The following MYO7A variants were observed in gnomAD, a reference collection of about 807,000 sequenced individuals.
MYO7A encodes the protein unconventional myosin-VIIa.
Under a neutral mutation model 263.8 loss-of-function variants are expected in MYO7A, and 210 were observed. The ratio of observed to expected loss-of-function variants is 0.80; its 90% CI spans 0.71 to 0.89. The LOEUF is 0.89. Ranked by LOEUF, MYO7A falls within the 40% of genes least tolerant of loss-of-function variation. MYO7A has a pLI of 0.00. For synonymous variants in MYO7A, 1,239 were observed against 1,197.3 expected (o/e 1.03, Z -0.72); for missense variants, 2,820 against 2,968.3 (o/e 0.95, Z 1.16).
At chr11:77,162,823 T>C (rs1432913944) in intron 13 of MYO7A, 30 bp from the exon 14 acceptor site, 13 of 1,595,466 alleles carry the variant, frequency 8.1e-6, no homozygotes, top group Non-Finnish European at 1.1e-5. Context: ...GAGGAGAGGG[T>C]GGGCTCACAG....
At position 77,162,286 on chromosome 11, in the gene MYO7A, A is replaced by G; in HGVS notation, c.1510A>G (p.Met504Val). 6.4e-7 allele frequency: 1 copy of G among 1,552,838 alleles called. No homozygotes were observed. The highest frequency in any genetic ancestry group is 8.7e-7 in the Non-Finnish European group (1 of 1,147,612). The change falls in exon 13 of 49, where the codon ATG (methionine) becomes GTG (valine). Residue 504 changes from methionine to valine, a missense_variant. Transcript: ENST00000409709. ...CCTGGACATGATTGCCAACAAGCCCATGAACATCATCTCCCTCATCGATGA... is the reference window on the plus strand; with the variant it reads ...CCTGGACATGATTGCCAACAAGCCCGTGAACATCATCTCCCTCATCGATGA... Reference protein sequence around the residue: ...DALDMIANKPMNIISLIDEES... With the variant: ...DALDMIANKPVNIISLIDEES...
intron 34 of MYO7A, among the ~76,000 whole-genome samples, 186 bp from the exon 35 acceptor site, chr11:77,199,349 G>A (rs918269513): frequency 4.6e-5 from 7 of 152,240 alleles, no homozygotes; most frequent in African/African-American, 1.7e-4. Flanking sequence ...TGTAGGTTGA[G>A]ATTTAAAGGG....
chr11:77,154,265 G>A (rs1952234099), intron 4 of MYO7A, among the ~76,000 whole-genome samples: 1 of 152,144 alleles, frequency 6.6e-6, no homozygotes. Flanking sequence ...GATGTTCTTT[G>A]GGGCTGGTTC....
rs1273170081 is a variant in MYO7A at position 77,147,860 on chromosome 11, C to T, written c.195C>T (p.His65=). 3.7e-6 allele frequency: 6 copies of T among 1,607,734 alleles called. No homozygotes were observed. Among genetic ancestry groups the T allele is most frequent in the Non-Finnish European group, 5.1e-6 (6 of 1,177,852 alleles). ...AGCCTATGCACCCCACGTCGGTCCA[C>T]GGCGTGGAGGACATGATCCGCCTGG... The part of the protein sequence containing the change: ...HIKPMHPTSV[H]GVEDMIRLGD... Residue 65 remains histidine, a synonymous_variant, in exon 4 of 49, where the codon CAC becomes CAT. Coordinates refer to ENST00000409709, the MANE Select transcript of MYO7A (RefSeq NM_000260.4).
chr11:77,208,315 G>A (rs186168960), intron 42 of MYO7A, 115 bp from the exon 43 acceptor site: 29 of 803,914 alleles, frequency 3.6e-5, no homozygotes, highest in South Asian at 4.9e-5. Flanking sequence ...AACCCCTTCC[G>A]GCTGGGAGTG....
At position 77,203,312 on chromosome 11, in the gene MYO7A, G is replaced by A. The variant is rs116033778; in HGVS notation, c.5326+95G>A. The A allele has an allele frequency of 3.2e-3, 4,345 of 1,374,192 alleles. 82 individuals are homozygous for A. The African/African-American group carries it at 0.047, about 15-fold the overall frequency. 85.1% of individuals were successfully genotyped at this position (1,374,192 alleles called of 1,614,324 possible). ...TCCTCCTGAGGGCCTGCTGCGACCC[G>A]GGCACACATGGGGAGGGTTGATGGA... On this transcript the variant is annotated intron_variant, in intron 38 of 48. Transcript: ENST00000409709.
rs553737170 is a variant in MYO7A, at chr11:77,209,898, A to C, written c.6051+1095A>C. ...CGTGGCCCTGCCTGGTGGTGCCACT[A>C]ACTGCTCCTGCTGCCTTGCCTTGTA... On this transcript the variant is annotated intron_variant, in intron 44 of 48. Coordinates refer to ENST00000409709, the MANE Select transcript of MYO7A (RefSeq NM_000260.4). Among the ~76,000 whole-genome samples, 13 of 152,078 alleles carry C rather than the reference A, an allele frequency of 8.5e-5. No individual in the cohort carries two copies. The South Asian group carries it at 2.7e-3, about 31-fold the overall frequency.
At chr11:77,174,075 C>T (rs1383370757) in intron 16 of MYO7A, among the ~76,000 whole-genome samples, 1 of 151,994 alleles carries the variant, frequency 6.6e-6, no homozygotes, top group Admixed American at 6.6e-5. Flanking sequence ...CAGACCTGGC[C>T]CAGTCTCTCC....
intron 5 of MYO7A, 116 bp from the exon 6 acceptor site, chr11:77,156,544 T>C: frequency 3.5e-6 from 5 of 1,435,584 alleles, no homozygotes; most frequent in Non-Finnish European, 4.8e-6. Flanking sequence ...AGGGTCCGTA[T>C]TGTCAGCTGA....
At chr11:77,177,713 T>G in intron 19 of MYO7A, 70 bp downstream of exon 19, 1 of 1,323,242 alleles carries the variant, frequency 7.6e-7, no homozygotes, top group Non-Finnish European at 1.1e-6. Context: ...TTGGCTCTCC[T>G]CTGCTCTGCC....
chr11:77,207,131 CCCTTT>C (rs1264510744), intron 41 of MYO7A, 153 bp from the exon 42 acceptor site: 1 of 574,484 alleles, frequency 1.7e-6, no homozygotes, highest in Non-Finnish European at 3.1e-6. Context: ...ACAGGAGTAG[CCCTTT>C]CCTTTTGTTA....
At chr11:77,197,688 G>A in intron 33 of MYO7A, 90 bp downstream of exon 33, 1 of 763,686 alleles carries the variant, frequency 1.3e-6, no homozygotes, top group Admixed American at 2.1e-5. Context: ...AGCCTGCAAT[G>A]CTCCCAGTCC....
In MYO7A at chr11:77,208,731, C is replaced by A; in HGVS notation, c.5979C>A (p.Phe1993Leu). 1 of 1,587,730 alleles carries A rather than the reference C, an allele frequency of 6.3e-7. No homozygotes were observed. The highest frequency in any genetic ancestry group is 1.2e-5 in the South Asian group (1 of 86,670). The change falls in exon 44 of 49, where the codon TTC becomes TTA. Residue 1993 changes from phenylalanine to leucine, a missense_variant. Physicochemically the swap from Phe to Leu is conservative, Grantham distance 22 (BLOSUM62 0). Coordinates refer to ENST00000409709, the MANE Select transcript of MYO7A (RefSeq NM_000260.4). ...IVPSLTYQVF[F>L]MKKLWTTTVP... ...CCTCACTCACCTACCAGGTGTTCTT[C>A]ATGAAGAAGCTGTGGACCACCACGG...
intron 31 of MYO7A, 82 bp from the exon 32 acceptor site, chr11:77,194,272 G>T (rs1368319847): frequency 3.4e-6 from 5 of 1,488,524 alleles, no homozygotes; most frequent in Middle Eastern, 1.8e-4. Context: ...GGCCAGGAGA[G>T]GGGCCTGGAG....
chr11:77,202,927 A>G, intron 37 of MYO7A, 133 bp from the exon 38 acceptor site: 1 of 1,147,694 alleles, frequency 8.7e-7, no homozygotes, highest in South Asian at 1.6e-5. Flanking sequence ...CAGGGCAGGG[A>G]AGAGCAGGGC....
In MYO7A at chr11:77,213,972, C is replaced by T. The variant is rs1383147250; in HGVS notation, c.6551C>T (p.Thr2184Met). ...LVRGSKLLCE[T>M]SLGYKMDDLL... is the part of the protein sequence containing the mutation. ...CGCGGGAGCAAACTGCTCTGCGAGA[C>T]GTCACTGGTGAGGGCGCATCCTGCT... The change falls in exon 48 of 49, where the codon ACG becomes ATG. Residue 2184 changes from threonine to methionine, a missense_variant. Physicochemically the swap from Thr to Met is moderately conservative, Grantham distance 81. Transcript: ENST00000409709. 8.1e-6 allele frequency: 13 copies of T among 1,613,950 alleles called. No individual in the cohort carries two copies. The highest frequency in any genetic ancestry group is 4.5e-5 in the East Asian group (2 of 44,898).
rs373958166 is a variant in MYO7A, at chr11:77,189,477, A to G, written c.3630+7A>G. 2.5e-5 allele frequency: 41 copies of G among 1,613,612 alleles called. No individual in the cohort carries two copies. The African/African-American group carries it at 4.4e-4, about 17-fold the overall frequency. On this transcript the variant is annotated splice_region_variant and intron_variant, in intron 28 of 48. Transcript: ENST00000409709. ...CTCCGAGAAGTTTGTCAAGGTAGGA[A>G]GGTGCCTGGCCTCCTGGAGTGGGAA...
At chr11:77,135,426 G>A (rs1301840865) in intron 2 of MYO7A, among the ~76,000 whole-genome samples, 2 of 152,232 alleles carry the variant, frequency 1.3e-5, no homozygotes, top group Non-Finnish European at 2.9e-5. Context: ...GCTGAGTAAC[G>A]TTTTATTGTA....
Position 77,156,853 on chromosome 11 carries a change from A to G in MYO7A, c.593-9A>G. On this transcript the variant is annotated splice_polypyrimidine_tract_variant and intron_variant, in intron 6 of 48. Transcript: ENST00000409709. ...GGGCTTTGCCAGTGACACCCTACTC[A>G]CTCCGCAGCATTTGGGAATGCCAAG... 1 of 1,613,848 alleles carries G rather than the reference A, an allele frequency of 6.2e-7. No homozygotes were observed. The highest frequency in any genetic ancestry group is 8.5e-7 in the Non-Finnish European group (1 of 1,179,878).
Sources: gnomAD v4.1 joint callset for allele counts (sites outside exome capture counted in the v4.1 genomes callset) on GRCh38, gnomAD v4.1.1 for gene constraint, MANE v1.5 for transcripts, NCBI Gene and HGNC (gene_info 2026-07-23, HGNC 2026-07-21) for gene names.